Variants in DOCK9 observed in about 807,000 individuals in gnomAD.
The protein encoded by DOCK9 is dedicator of cytokinesis 9, also known as dedicator of cytokinesis protein 9.
A neutral mutation model predicts 263.3 loss-of-function variants in DOCK9; 89 were observed. That is an observed-to-expected ratio of 0.34 (90% CI 0.28 to 0.40). The LOEUF (loss-of-function observed/expected upper bound fraction) is 0.40, where lower values mean the gene tolerates loss of function less well. DOCK9 is among the 10% of genes least tolerant of loss of function. The pLI, the probability that DOCK9 is intolerant of heterozygous loss-of-function variation, is 1.00. For synonymous variants in DOCK9, 976 were observed against 973.1 expected, an observed-to-expected ratio of 1.00 and a Z score of -0.06; for missense variants, 2,140 against 2,603.4, an observed-to-expected ratio of 0.82 and a Z score of 3.87.
intron 2 of DOCK9, chr13:98,949,838 G>C (rs1006237525): frequency 2.1e-6 from 1 of 481,654 alleles, no homozygotes; most frequent in African/African-American, 2.0e-5. Flanking sequence ...AAGGGTGCAA[G>C]ACCCATGAGA....
Position 99,038,288 on chromosome 13 carries a change from CTTTTTTTTTTTTTT to C in DOCK9, c.129+47921_129+47934del, listed in dbSNP as rs71419743. Among the ~76,000 whole-genome samples the C allele has an allele frequency of 2.5e-3, 218 of 86,272 alleles. 11 individuals carry two copies. The highest frequency in any genetic ancestry group is 7.8e-3 in the East Asian group (21 of 2,684). The allele number at this position is 86,272 out of a possible 152,430, so 56.6% of individuals were successfully genotyped here. A position where few individuals can be genotyped will look rare whatever the true frequency, so the allele number is the denominator to read the frequency against. ...GCTGAAAAACTGGCTTTATGCCCCC[CTTTTTTTTTTTTTT>C]TTTTTTTTTTTTTTTTTTGGAGATA... is the stretch of plus-strand genomic sequence containing the variant. On this transcript the variant is annotated intron_variant, in intron 1 of 32. Transcript: ENST00000427887.
intron 1 of DOCK9, among the ~76,000 whole-genome samples, chr13:99,017,802 G>A (rs1350439127): frequency 6.6e-6 from 1 of 152,168 alleles, no homozygotes; most frequent in East Asian, 1.9e-4. Context: ...TTTTTGTTGG[G>A]CCACATTCAA....
At chr13:98,814,637 C>T (rs937154666) in intron 45 of DOCK9, among the ~76,000 whole-genome samples, 2 of 152,092 alleles carry the variant, frequency 1.3e-5, no homozygotes, top group Admixed American at 6.5e-5. Context: ...AACTCCTAAC[C>T]TCAAGTGATC....
rs377199437 is a variant in DOCK9, at chr13:99,004,068, G to A, written c.130-48517C>T. Among the ~76,000 whole-genome samples, 242 of 152,170 alleles carry A rather than the reference G, an allele frequency of 1.6e-3. 9 individuals carry two copies. In the South Asian group the frequency reaches 0.047, roughly 30 times the overall value. ...AAGGAGCCCTCAGCTCTCCCTCCTT[G>A]GGACTTTGCTCCCTCTGCAGAAACG... On this transcript the variant is annotated intron_variant, in intron 1 of 32. Coordinates refer to the DOCK9 transcript ENST00000427887.
In DOCK9 at chr13:98,826,010, T is replaced by A. The variant is rs189638111; in HGVS notation, c.5023+820A>T. On this transcript the variant is annotated intron_variant, in intron 44 of 52. Transcript: ENST00000682017. ...AAATAGTACCGGTATTAAATGAACA[T>A]GGAGCCCTTTCAAAATTTTTCTCTT... is the stretch of plus-strand genomic sequence containing the variant. The A allele has an allele frequency of 4.9e-5, 63 of 1,298,194 alleles. No individual in the cohort carries two copies. In the African/African-American group the frequency reaches 9.0e-4, roughly 19 times the overall value. 80.4% of individuals were successfully genotyped at this position (1,298,194 alleles called of 1,614,324 possible).
intron 1 of DOCK9, among the ~76,000 whole-genome samples, chr13:99,054,390 C>T (rs889588983): frequency 6.6e-6 from 1 of 152,186 alleles, no homozygotes; most frequent in Non-Finnish European, 1.5e-5. Flanking sequence ...CACCCAGAAT[C>T]TTTGTACATC....
At chr13:99,022,715 G>T (rs1595926978) in intron 1 of DOCK9, among the ~76,000 whole-genome samples, 1 of 152,194 alleles carries the variant, frequency 6.6e-6, no homozygotes, top group Non-Finnish European at 1.5e-5. Context: ...GTCTGAGGCA[G>T]GAGGATCGCT....
chr13:99,043,283 A>G (rs925998428), intron 1 of DOCK9, among the ~76,000 whole-genome samples: 1 of 152,224 alleles, frequency 6.6e-6, no homozygotes, highest in Admixed American at 6.5e-5. Flanking sequence ...TCATCAGTCT[A>G]TTCCTTGCCT....
chr13:99,031,250 A>C (rs977904866), intron 1 of DOCK9, among the ~76,000 whole-genome samples: 6 of 152,220 alleles, frequency 3.9e-5, no homozygotes, highest in African/African-American at 1.4e-4. Flanking sequence ...TTTAAAAGAG[A>C]TCACTTCAAA....
At chr13:98,891,112 A>C (rs2046549501) in intron 15 of DOCK9, among the ~76,000 whole-genome samples, 2 of 151,908 alleles carry the variant, frequency 1.3e-5, no homozygotes, top group Admixed American at 1.3e-4. Context: ...TGGTGGGAGG[A>C]GGGGCAGCAG....
In DOCK9 at chr13:98,880,687, GAA is replaced by G. The variant is rs766941539; in HGVS notation, c.2746-17_2746-16del. 1.9e-6 allele frequency: 3 copies of G among 1,611,928 alleles called. No individual in the cohort carries two copies. The highest frequency in any genetic ancestry group is 1.7e-5 in the Admixed American group (1 of 59,786). The stretch of plus-strand genomic sequence containing the variant: ...TTATACGCGTACTTTGAAGAAAAGA[GAA>G]AGAGACTTTAATGCACTGGCTCTCC... On this transcript the variant is annotated splice_polypyrimidine_tract_variant and intron_variant, in intron 25 of 52. Transcript: ENST00000682017.
intron 9 of DOCK9, among the ~76,000 whole-genome samples, chr13:98,909,015 G>A (rs1384739419): frequency 6.6e-6 from 1 of 152,198 alleles, no homozygotes; most frequent in Non-Finnish European, 1.5e-5. Context: ...CCTGTGGTCA[G>A]TCTATATTGT....
At chr13:98,982,069 T>G (rs116188680), upstream of DOCK9, among the ~76,000 whole-genome samples, 460 of 152,326 alleles carry the variant, frequency 3.0e-3, 1 homozygote, top group African/African-American at 0.011. Context: ...AGAGTTTCAC[T>G]GTTAAAAATG....
At chr13:99,008,383 G>A (rs1883866822) in intron 1 of DOCK9, among the ~76,000 whole-genome samples, 1 of 151,810 alleles carries the variant, frequency 6.6e-6, no homozygotes, top group Admixed American at 6.6e-5. Context: ...ATAGGTGCCT[G>A]CCACCACACC....
intron 1 of DOCK9, among the ~76,000 whole-genome samples, chr13:99,046,228 A>G (rs1016604549): frequency 2.0e-5 from 3 of 152,248 alleles, no homozygotes; most frequent in African/African-American, 7.2e-5. Context: ...ACGGGGCAGA[A>G]CAAGCCGAGC....
In DOCK9 at chr13:99,008,813, G is replaced by A. The variant is rs538366554; in HGVS notation, c.130-53262C>T. Among the ~76,000 whole-genome samples the A allele has an allele frequency of 2.0e-5, 3 of 152,256 alleles. No homozygotes were observed. In the South Asian group the frequency reaches 6.2e-4, roughly 32 times the overall value. ...GGATCATTTCCTCTTTAAGGCCACA[G>A]TACTATAAGATTAGGGCCCCGCCTT... is the stretch of plus-strand genomic sequence containing the variant. On this transcript the variant is annotated intron_variant, in intron 1 of 32. Transcript: ENST00000427887.
chr13:99,045,594 T>C lies in DOCK9; in HGVS notation c.129+40629A>G, dbSNP rs142035209. On this transcript the variant is annotated intron_variant, in intron 1 of 32. Coordinates refer to the DOCK9 transcript ENST00000427887. ...AAACATGGTGACTACAGTAAATAAATAGCTGAGAGTAGAACTGAGTTCTCA... is the reference window on the plus strand; with the variant it reads ...AAACATGGTGACTACAGTAAATAAACAGCTGAGAGTAGAACTGAGTTCTCA... Among the ~76,000 whole-genome samples, 60 of 152,230 alleles carry C rather than the reference T, an allele frequency of 3.9e-4. No individual in the cohort carries two copies. The South Asian group carries it at 9.7e-3, about 25-fold the overall frequency.
intron 21 of DOCK9, among the ~76,000 whole-genome samples, chr13:98,884,298 CT>C (rs2142853235): frequency 6.6e-6 from 1 of 152,340 alleles, no homozygotes; most frequent in Non-Finnish European, 1.5e-5. Flanking sequence ...CAATCGTCTG[CT>C]CACACTAATT....
At chr13:98,915,783 C>T (rs1255612426) in intron 7 of DOCK9, among the ~76,000 whole-genome samples, 2 of 152,172 alleles carry the variant, frequency 1.3e-5, no homozygotes, top group African/African-American at 4.8e-5. Context: ...ATGAAACCTC[C>T]TCAGTGCTCC....
Sources: gnomAD v4.1 joint callset for allele counts (sites outside exome capture counted in the v4.1 genomes callset) on GRCh38, gnomAD v4.1.1 for gene constraint, MANE v1.5 for transcripts, NCBI Gene and HGNC (gene_info 2026-07-23, HGNC 2026-07-21) for gene names.